The following ZNF474 variants were observed in gnomAD, a reference collection of about 807,000 sequenced individuals.
ZNF474 encodes the protein 4933409D10Rik.
For missense variants in ZNF474, 511 were observed against 433.8 expected (o/e 1.18, Z -1.58); for synonymous variants, 192 against 162.2 (o/e 1.18, Z -1.39).
intron 1 of ZNF474, among the ~76,000 whole-genome samples, chr5:122,137,446 CAAAAAAAAAA>C (rs1166694085): frequency 0.08 from 919 of 11,442 alleles, 7 homozygotes; most frequent in Middle Eastern, 0.4. Flanking sequence ...GACTCTGTCT[CAAAAAAAAAA>C]AAAAAAAAAA....
intron 1 of ZNF474, among the ~76,000 whole-genome samples, chr5:122,134,613 G>T (rs1381181438): frequency 6.6e-6 from 1 of 152,152 alleles, no homozygotes; most frequent in Non-Finnish European, 1.5e-5. Context: ...CAAAAGAGCT[G>T]AACGATGGCC....
intron 1 of ZNF474, among the ~76,000 whole-genome samples, chr5:122,148,965 G>A (rs747489302): frequency 3.8e-4 from 58 of 152,106 alleles, no homozygotes; most frequent in South Asian, 1.5e-3. Context: ...CCAGACCTCA[G>A]GTGATCCGCC....
chr5:122,151,247 C>A (rs1048927164), intron 1 of ZNF474, among the ~76,000 whole-genome samples: 2 of 152,152 alleles, frequency 1.3e-5, no homozygotes, highest in African/African-American at 4.8e-5. Flanking sequence ...GTGATAGCAA[C>A]AATTTTTATT....
At position 122,151,888 on chromosome 5, in the gene ZNF474, G is replaced by A. The variant is rs988770975; in HGVS notation, c.-103G>A. 4 of 1,425,992 alleles carry A rather than the reference G, an allele frequency of 2.8e-6. No individual in the cohort carries two copies. The highest frequency in any genetic ancestry group is 3.7e-6 in the Non-Finnish European group (4 of 1,067,286). The allele number at this position is 1,425,992 out of a possible 1,614,324, so 88.3% of individuals were successfully genotyped here. On this transcript the variant is annotated 5_prime_UTR_variant, in exon 2 of 2. Coordinates refer to ENST00000296600, the MANE Select transcript of ZNF474 (RefSeq NM_207317.3). The stretch of plus-strand genomic sequence containing the variant: ...GAGGCTAAGGTACTGGCAACGGTGT[G>A]AACCCCAGGACAACTAACCTCACTA...
rs1278544549 is a variant in ZNF474 at position 122,149,894 on chromosome 5, T to TG, written c.-212-1884dup. Among the ~76,000 whole-genome samples, 310 of 150,726 alleles carry TG rather than the reference T, an allele frequency of 2.1e-3. 3 individuals are homozygous for TG. Among genetic ancestry groups the TG allele is most frequent in the African/African-American group, 7.3e-3 (297 of 40,636 alleles). ...GGAAACAGAATTGACTCTGTGTGTG[T>TG]GTGTGTGTGTGTGTGTGTGCGCGCG... On this transcript the variant is annotated intron_variant, in intron 1 of 1. Coordinates refer to ENST00000296600, the MANE Select transcript of ZNF474 (RefSeq NM_207317.3).
intron 1 of ZNF474, among the ~76,000 whole-genome samples, chr5:122,131,404 A>C (rs1047823153): frequency 3.3e-5 from 5 of 152,132 alleles, no homozygotes; most frequent in Non-Finnish European, 7.4e-5. Flanking sequence ...ATATGTGGTA[A>C]CAAATTATCT....
chr5:122,142,286 A>G (rs1755864687), intron 1 of ZNF474, among the ~76,000 whole-genome samples: 2 of 152,250 alleles, frequency 1.3e-5, no homozygotes, highest in Non-Finnish European at 1.5e-5. Context: ...AGGACACATC[A>G]GCATCCACAA....
chr5:122,134,948 A>G (rs1755665310), intron 1 of ZNF474, among the ~76,000 whole-genome samples: 1 of 152,358 alleles, frequency 6.6e-6, no homozygotes, highest in African/African-American at 2.4e-5. Context: ...TCAAAGACTT[A>G]TTGAGTAAGA....
chr5:122,143,394 C>T (rs971296312), intron 1 of ZNF474, among the ~76,000 whole-genome samples: 2 of 152,128 alleles, frequency 1.3e-5, no homozygotes, highest in African/African-American at 4.8e-5. Context: ...GAACTCTGTG[C>T]AAGCATATCA....
At position 122,152,500 on chromosome 5, in the gene ZNF474, C is replaced by T. The variant is rs149658597; in HGVS notation, c.510C>T (p.Ser170=). 9.6e-5 allele frequency: 155 copies of T among 1,614,174 alleles called. No homozygotes were observed. In the Middle Eastern group the frequency reaches 4.0e-3, roughly 41 times the overall value. The part of the protein sequence containing the change: ...SAQAQLLPCE[S]CGRTFLPDHL... ...AGGCTCAGCTGCTGCCCTGTGAATC[C>T]TGTGGCCGCACATTCTTGCCAGATC... is the stretch of plus-strand genomic sequence containing the variant. The change falls in exon 2 of 2, where the codon TCC becomes TCT. Residue 170 remains serine, a synonymous_variant. Coordinates refer to ENST00000296600, the MANE Select transcript of ZNF474 (RefSeq NM_207317.3).
rs72786994 is a variant in ZNF474 at position 122,152,274 on chromosome 5, G to C, written c.284G>C (p.Arg95Pro). Residue 95 changes from arginine (R) to proline (P), a missense_variant, in exon 2 of 2, where the codon CGG (arginine) becomes CCG (proline). By Grantham distance (103) the Arg-to-Pro change is moderately radical. Coordinates refer to ENST00000296600, the MANE Select transcript of ZNF474 (RefSeq NM_207317.3). ...PVIPARRPGF[R>P]VCYICGREFG... The stretch of plus-strand genomic sequence containing the variant: ...ATCCCGGCCCGCAGGCCTGGATTCC[G>C]GGTATGCTATATCTGTGGCCGAGAA... 1 of 1,614,046 alleles carries C rather than the reference G, an allele frequency of 6.2e-7. No homozygotes were observed. Among genetic ancestry groups the C allele is most frequent in the African/African-American group, 1.3e-5 (1 of 74,922 alleles).
chr5:122,143,839 A>G (rs931676745), intron 1 of ZNF474, among the ~76,000 whole-genome samples: 1 of 152,222 alleles, frequency 6.6e-6, no homozygotes, highest in Non-Finnish European at 1.5e-5. Flanking sequence ...TTAATGGTGA[A>G]GAAAGGTCCA....
At chr5:122,137,434 G>A (rs1322783525) in intron 1 of ZNF474, among the ~76,000 whole-genome samples, 8 of 98,582 alleles carry the variant, frequency 8.1e-5, no homozygotes, top group African/African-American at 3.4e-4. Context: ...GTGACAGAGT[G>A]AGACTCTGTC....
At chr5:122,149,549 G>A (rs546814940) in intron 1 of ZNF474, among the ~76,000 whole-genome samples, 2 of 152,264 alleles carry the variant, frequency 1.3e-5, no homozygotes, top group African/African-American at 4.8e-5. Flanking sequence ...GAGGAATTTA[G>A]GCAGAATGAA....
At chr5:122,134,764 G>A (rs1755658902) in intron 1 of ZNF474, among the ~76,000 whole-genome samples, 2 of 152,290 alleles carry the variant, frequency 1.3e-5, no homozygotes, top group South Asian at 4.1e-4. Flanking sequence ...GTACTTGGGG[G>A]TTCTCTTTAG....
chr5:122,137,159 A>G (rs1392141472), intron 1 of ZNF474, among the ~76,000 whole-genome samples: 2 of 152,080 alleles, frequency 1.3e-5, no homozygotes, highest in African/African-American at 2.4e-5. Flanking sequence ...GTGCATGTGT[A>G]TGGGTGCAGG....
At chr5:122,139,481 C>A (rs954295673) in intron 1 of ZNF474, among the ~76,000 whole-genome samples, 5 of 152,014 alleles carry the variant, frequency 3.3e-5, no homozygotes, top group Non-Finnish European at 7.4e-5. Flanking sequence ...GATTTGTGAC[C>A]TAAAAAATTG....
chr5:122,142,005 T>C (rs1755859412), intron 1 of ZNF474, among the ~76,000 whole-genome samples: 3 of 152,228 alleles, frequency 2.0e-5, no homozygotes, highest in East Asian at 3.8e-4. Context: ...GAAGTTAAGA[T>C]ATAAGCCACA....
chr5:122,152,100 CCTATT>C lies in ZNF474; in HGVS notation c.114_118del (p.Tyr38Ter), dbSNP rs745546058. 11 of 1,614,178 alleles carry C rather than the reference CCTATT, an allele frequency of 6.8e-6. No individual in the cohort carries two copies. Among genetic ancestry groups the C allele is most frequent in the Non-Finnish European group, 8.5e-6 (10 of 1,180,032 alleles). On this transcript the variant is annotated frameshift_variant, in exon 2 of 2. Coordinates refer to ENST00000296600, the MANE Select transcript of ZNF474 (RefSeq NM_207317.3). LOFTEE classifies it low-confidence loss of function (END_TRUNC). Reference sequence around the variant, plus strand: ...CAAGCTGGGCTTCTCTCTAGTGACTCCTATTCTAGCCTTTCCCCAGAAACAGAGAG... The same window carrying C: ...CAAGCTGGGCTTCTCTCTAGTGACTCCTAGCCTTTCCCCAGAAACAGAGAG...
Sources: gnomAD v4.1 joint callset for allele counts (sites outside exome capture counted in the v4.1 genomes callset) on GRCh38, gnomAD v4.1.1 for gene constraint, MANE v1.5 for transcripts, NCBI Gene and HGNC (gene_info 2026-07-23, HGNC 2026-07-21) for gene names.